The following NPIPA1 variants were observed in gnomAD, a reference collection of about 807,000 sequenced individuals.
NPIPA1 encodes the protein nuclear pore complex interacting protein family member A1.
For synonymous variants in NPIPA1, 7 were observed against 88.0 expected (o/e 0.08, Z 5.15); for missense variants, 22 against 232.2 (o/e 0.09, Z 5.88).
At chr16:14,945,229 TGTGTG>T (rs1965855729) in intron 2 of NPIPA1, among the ~76,000 whole-genome samples, 7 of 136,936 alleles carry the variant, frequency 5.1e-5, no homozygotes, top group South Asian at 2.3e-4. Flanking sequence ...TCTTGTGTGG[TGTGTG>T]TGTGTGTGTG....
At chr16:14,938,788 G>C (rs1212149996) in intron 1 of NPIPA1, among the ~76,000 whole-genome samples, 1 of 152,006 alleles carries the variant, frequency 6.6e-6, no homozygotes, top group Admixed American at 6.6e-5. Context: ...GCCCAGGCTG[G>C]AGTGCAGTGG....
chr16:14,943,758 A>G (rs1375277715), intron 2 of NPIPA1, among the ~76,000 whole-genome samples: 1 of 151,774 alleles, frequency 6.6e-6, no homozygotes, highest in Non-Finnish European at 1.5e-5. Flanking sequence ...ATCTTTTTAG[A>G]TTACCCATTG....
intron 1 of NPIPA1, among the ~76,000 whole-genome samples, chr16:14,940,780 C>T (rs1393708415): frequency 1.8e-5 from 2 of 109,130 alleles, no homozygotes; most frequent in African/African-American, 3.5e-5. Context: ...CTGCATGTGG[C>T]CCAGGACAGT....
chr16:14,946,229 CTT>C (rs1166253398), intron 4 of NPIPA1, among the ~76,000 whole-genome samples: 5 of 89,830 alleles, frequency 5.6e-5, no homozygotes, highest in Non-Finnish European at 1.0e-4. Flanking sequence ...TTCTCTCTCT[CTT>C]TTTTTTTTTT....
At chr16:14,941,634 A>C (rs1965757556) in intron 1 of NPIPA1, 178 bp from the exon 2 acceptor site, 1 of 82,732 alleles carries the variant, frequency 1.2e-5, no homozygotes, top group South Asian at 5.5e-4. Context: ...CAGCCATCTG[A>C]AAAACATGAG....
At chr16:14,945,407 C>A in intron 2 of NPIPA1, among the ~76,000 whole-genome samples, 167 bp from the exon 3 acceptor site, 1 of 146,620 alleles carries the variant, frequency 6.8e-6, no homozygotes. Context: ...CACTGCCATG[C>A]CCGGCTAATT....
chr16:14,938,158 C>CT (rs1393587538), intron 1 of NPIPA1: 1 of 1,450,704 alleles, frequency 6.9e-7, no homozygotes, highest in Non-Finnish European at 9.2e-7. Context: ...CCCCCCTGCC[C>CT]TAAGCCACCT....
chr16:14,942,977 A>G (rs1293389581), intron 2 of NPIPA1, among the ~76,000 whole-genome samples: 7 of 152,284 alleles, frequency 4.6e-5, no homozygotes, highest in African/African-American at 1.4e-4. Context: ...GGGAAGAGGA[A>G]GTATGTTTCA....
At chr16:14,943,873 G>T (rs1157933554) in intron 2 of NPIPA1, among the ~76,000 whole-genome samples, 1 of 151,318 alleles carries the variant, frequency 6.6e-6, no homozygotes, top group Admixed American at 6.6e-5. Flanking sequence ...TTCAGGCCAG[G>T]TGTGGTGGCT....
intron 2 of NPIPA1, among the ~76,000 whole-genome samples, chr16:14,945,227 G>GTTGTGTGTGTGTGTGT (rs748459839): frequency 8.7e-5 from 12 of 137,816 alleles, no homozygotes; most frequent in East Asian, 5.0e-4. Flanking sequence ...ATTCTTGTGT[G>GTTGTGTGTGTGTGTGT]GTGTGTGTGT....
At chr16:14,947,374 C>G (rs1403460844) in intron 4 of NPIPA1, among the ~76,000 whole-genome samples, 1 of 151,728 alleles carries the variant, frequency 6.6e-6, no homozygotes, top group Non-Finnish European at 1.5e-5. Flanking sequence ...GGCTCAGTCC[C>G]TACAAAGGCC....
chr16:14,940,799 C>T (rs2151076059), intron 1 of NPIPA1, among the ~76,000 whole-genome samples: 2 of 109,658 alleles, frequency 1.8e-5, no homozygotes, highest in Middle Eastern at 4.0e-3. Flanking sequence ...GTTTTGAATG[C>T]AGTTCAACAC....
At chr16:14,940,628 C>A (rs1965727783) in intron 1 of NPIPA1, among the ~76,000 whole-genome samples, 1 of 140,892 alleles carries the variant, frequency 7.1e-6, no homozygotes, top group Non-Finnish European at 1.5e-5. Context: ...ATCGCTTGAA[C>A]CCGGGAGGCG....
intron 1 of NPIPA1, among the ~76,000 whole-genome samples, chr16:14,938,694 C>T (rs1965683853): frequency 6.6e-6 from 1 of 150,598 alleles, no homozygotes; most frequent in African/African-American, 2.4e-5. Flanking sequence ...ACAAAACGGA[C>T]CAAAACAAAG....
chr16:14,940,306 T>G (rs1965717991), intron 1 of NPIPA1, among the ~76,000 whole-genome samples: 2 of 148,806 alleles, frequency 1.3e-5, no homozygotes, highest in Admixed American at 6.8e-5. Flanking sequence ...TGACAAAGAT[T>G]CATATAATCC....
intron 1 of NPIPA1, among the ~76,000 whole-genome samples, chr16:14,939,215 C>T (rs1194357718): frequency 1.4e-4 from 7 of 51,326 alleles, no homozygotes; most frequent in African/African-American, 3.5e-4. Flanking sequence ...CAGGTTCGAG[C>T]GATTCTCCTG....
At chr16:14,938,675 C>G (rs1597169353) in intron 1 of NPIPA1, among the ~76,000 whole-genome samples, 1 of 147,730 alleles carries the variant, frequency 6.8e-6, no homozygotes, top group Non-Finnish European at 1.5e-5. Context: ...GCACTCTTGT[C>G]TCTAACAAAC....
At chr16:14,947,122 C>T (rs68065803) in intron 4 of NPIPA1, among the ~76,000 whole-genome samples, 5 of 152,194 alleles carry the variant, frequency 3.3e-5, no homozygotes, top group African/African-American at 9.6e-5. Flanking sequence ...GATTGTTGAA[C>T]TCAATGCTTG....
intron 2 of NPIPA1, among the ~76,000 whole-genome samples, chr16:14,944,606 A>ATT (rs1194738991): frequency 1.7e-3 from 188 of 110,564 alleles, no homozygotes; most frequent in Admixed American, 6.2e-3. Flanking sequence ...TATTCATGTC[A>ATT]TTTTTTTTTT....
Sources: allele counts gnomAD v4.1 joint callset (sites outside exome capture counted in the v4.1 genomes callset), GRCh38; gene constraint gnomAD v4.1.1; transcripts MANE v1.5; gene names NCBI Gene and HGNC (gene_info 2026-07-23, HGNC 2026-07-21).